CDH7: variants seen among roughly 807,000 people sequenced by gnomAD.
The protein encoded by CDH7 is cadherin-7.
A neutral mutation model predicts 71.8 loss-of-function variants in CDH7; 25 were observed. The ratio of observed to expected loss-of-function variants is 0.35; its 90% CI spans 0.25 to 0.49. CDH7 has a LOEUF of 0.49. Ranked by LOEUF, CDH7 falls within the 20% of genes least tolerant of loss-of-function variation. The pLI is 0.99. For synonymous variants in CDH7, 381 were observed against 363.8 expected (o/e 1.05, Z -0.54); for missense variants, 862 against 974.6 (o/e 0.88, Z 1.54).
chr18:65,805,204 G>A (rs1911272053), intron 2 of CDH7, among the ~76,000 whole-genome samples: 1 of 152,162 alleles, frequency 6.6e-6, no homozygotes, highest in African/African-American at 2.4e-5. Flanking sequence ...AATGAATTCT[G>A]TCATAGAAAT....
At position 65,880,400 on chromosome 18, in the gene CDH7, G is replaced by A. The variant is rs1219063396; in HGVS notation, c.1865-1G>A. 6.5e-7 allele frequency: 1 copy of A among 1,532,812 alleles called. No homozygotes were observed. Among genetic ancestry groups the A allele is most frequent in the African/African-American group, 1.4e-5 (1 of 71,874 alleles). 95.0% of individuals were successfully genotyped at this position (1,532,812 alleles called of 1,614,324 possible). ...TTTCTCTTCCTGTCTTATTGTTTCA[G>A]TGTTGATCCTCCTTATCGTCACTAT... On this transcript the variant is annotated splice_acceptor_variant, in intron 11 of 11. Transcript: ENST00000397968. LOFTEE classifies it high-confidence loss of function.
chr18:65,753,477 T>G (rs546686703), intron 1 of CDH7, among the ~76,000 whole-genome samples: 1 of 152,330 alleles, frequency 6.6e-6, no homozygotes, highest in African/African-American at 2.4e-5. Context: ...CAAATGTCTT[T>G]TACTTGATTG....
Position 65,824,754 on chromosome 18 carries a change from G to A in CDH7, c.904G>A (p.Val302Met), listed in dbSNP as rs1912064446. 6.2e-7 allele frequency: 1 copy of A among 1,612,668 alleles called. No homozygotes were observed. The change falls in exon 6 of 12, where the codon GTG becomes ATG. Residue 302 changes from valine (V) to methionine (M), a missense_variant. Val to Met is a conservative substitution (Grantham distance 21). Coordinates refer to ENST00000397968, the MANE Select transcript of CDH7 (RefSeq NM_004361.5). ...TAATGCTGAAATGGAGTACAAGATT[G>A]TGGATGGTGATGGTTTGGGCATTTT... ...GANAEMEYKI[V>M]DGDGLGIFKI...
chr18:65,833,252 G>T lies in CDH7; in HGVS notation c.981+8421G>T, dbSNP rs200024236. ...AGATGTGGACTACCTGGGGTTTACT[G>T]TCTTGTACTGAAATGTGTCTTTTGC... On this transcript the variant is annotated intron_variant, in intron 6 of 11. Transcript: ENST00000397968. Among the ~76,000 whole-genome samples the T allele has an allele frequency of 1.6e-3, 246 of 152,272 alleles. 1 individual carries two copies. The highest frequency in any genetic ancestry group is 5.8e-3 in the African/African-American group (240 of 41,554).
At chr18:65,846,923 T>C (rs1599047253) in intron 7 of CDH7, among the ~76,000 whole-genome samples, 1 of 152,312 alleles carries the variant, frequency 6.6e-6, no homozygotes, top group East Asian at 1.9e-4. Flanking sequence ...TTATAGGTTA[T>C]TGTGTTTCCA....
In CDH7 at chr18:65,881,652, G is replaced by T. The variant is rs1419607261; in HGVS notation, c.*758G>T. 1 of 151,896 alleles carries T rather than the reference G, an allele frequency of 6.6e-6. No homozygotes were observed. The highest frequency in any genetic ancestry group is 1.5e-5 in the Non-Finnish European group (1 of 67,950). 9.4% of individuals were successfully genotyped at this position (151,896 alleles called of 1,614,324 possible). On this transcript the variant is annotated 3_prime_UTR_variant, in exon 12 of 12. Transcript: ENST00000397968. The stretch of plus-strand genomic sequence containing the variant: ...TTCATTGATTTTTATTATCTCTTCT[G>T]ATTTGTACAGGAGAATATCTTTTCT...
intron 6 of CDH7, among the ~76,000 whole-genome samples, chr18:65,830,310 T>C (rs933452139): frequency 6.6e-6 from 1 of 152,188 alleles, no homozygotes; most frequent in African/African-American, 2.4e-5. Context: ...TAATACATAT[T>C]GTAAGGCATT....
intron 2 of CDH7, among the ~76,000 whole-genome samples, chr18:65,786,920 A>G (rs984065111): frequency 6.6e-6 from 1 of 152,086 alleles, no homozygotes; most frequent in African/African-American, 2.4e-5. Context: ...AACTCCTGGC[A>G]TCAAATGATC....
At position 65,843,974 on chromosome 18, in the gene CDH7, T is replaced by A. The variant is rs756194841; in HGVS notation, c.1144T>A (p.Tyr382Asn). Residue 382 changes from tyrosine (Y) to asparagine (N), a missense_variant, in exon 7 of 12, where the codon TAC (tyrosine) becomes AAC (asparagine). Physicochemically the swap from Tyr to Asn is moderately radical, Grantham distance 143. Transcript: ENST00000397968. ...DEPPVFSSPL[Y>N]PMEVSEATQV... ...GCCCCCTGTGTTCTCTTCACCCTTG[T>A]ACCCTATGGAGGTGTCGGAAGCTAC... is the stretch of plus-strand genomic sequence containing the variant. The A allele has an allele frequency of 6.2e-7, 1 of 1,612,822 alleles. No homozygotes were observed. The highest frequency in any genetic ancestry group is 2.2e-5 in the East Asian group (1 of 44,832).
rs904316548 is a variant in CDH7 at position 65,864,614 on chromosome 18, A to G, written c.1864+1697A>G. Among the ~76,000 whole-genome samples, 6 of 152,050 alleles carry G rather than the reference A, an allele frequency of 3.9e-5. No individual in the cohort carries two copies. The East Asian group carries it at 1.2e-3, about 29-fold the overall frequency. ...TTAAAAATTACATTTGTGGGCCAGG[A>G]GCAGTGGCTCACGCCTGTAATCCCA... On this transcript the variant is annotated intron_variant, in intron 11 of 11. Transcript: ENST00000397968.
chr18:65,753,155 C>G (rs73963781), intron 1 of CDH7, among the ~76,000 whole-genome samples: 2 of 152,146 alleles, frequency 1.3e-5, no homozygotes, highest in African/African-American at 4.8e-5. Context: ...AATCAAATGA[C>G]TGTCTCTCCT....
At chr18:65,766,238 T>C (rs1166845786) in intron 2 of CDH7, among the ~76,000 whole-genome samples, 2 of 152,128 alleles carry the variant, frequency 1.3e-5, no homozygotes. Flanking sequence ...CTGTGAGTCT[T>C]TTAAGACTTT....
intron 11 of CDH7, 22 bp from the exon 12 acceptor site, chr18:65,880,379 T>C: frequency 6.6e-7 from 1 of 1,517,516 alleles, no homozygotes; most frequent in Non-Finnish European, 8.8e-7. Flanking sequence ...TGAAACTTTC[T>C]CTTCCTGTCT....
At chr18:65,858,443 C>A (rs1362724523) in intron 8 of CDH7, among the ~76,000 whole-genome samples, 1 of 151,830 alleles carries the variant, frequency 6.6e-6, no homozygotes, top group Non-Finnish European at 1.5e-5. Flanking sequence ...AATGTGTATG[C>A]ATTTATAATA....
intron 2 of CDH7, among the ~76,000 whole-genome samples, chr18:65,774,689 C>G (rs575390540): frequency 1.3e-5 from 2 of 152,038 alleles, no homozygotes; most frequent in African/African-American, 4.8e-5. Context: ...GCCCTGGGTT[C>G]CAGGATAGTC....
chr18:65,878,994 T>C (rs1914145715), intron 11 of CDH7, among the ~76,000 whole-genome samples: 1 of 152,188 alleles, frequency 6.6e-6, no homozygotes. Context: ...CAGTTTTTCA[T>C]CAGTCACATT....
At chr18:65,758,845 T>C (rs1179490078) in intron 1 of CDH7, among the ~76,000 whole-genome samples, 1 of 152,240 alleles carries the variant, frequency 6.6e-6, no homozygotes, top group East Asian at 1.9e-4. Flanking sequence ...ATTATGTAAA[T>C]GGTTTCCGAA....
At chr18:65,791,156 T>A (rs1910699095) in intron 2 of CDH7, among the ~76,000 whole-genome samples, 1 of 152,210 alleles carries the variant, frequency 6.6e-6, no homozygotes, top group Non-Finnish European at 1.5e-5. Context: ...GACACCTTTG[T>A]CTTTTAGTCT....
intron 11 of CDH7, among the ~76,000 whole-genome samples, chr18:65,868,338 C>G (rs752090700): frequency 2.7e-4 from 41 of 152,188 alleles, no homozygotes; most frequent in Non-Finnish European, 5.3e-4. Flanking sequence ...GCAAGTATTA[C>G]TATGCCCACA....
Sources: gnomAD v4.1 joint callset for allele counts (sites outside exome capture counted in the v4.1 genomes callset) on GRCh38, gnomAD v4.1.1 for gene constraint, MANE v1.5 for transcripts, NCBI Gene and HGNC (gene_info 2026-07-23, HGNC 2026-07-21) for gene names.